The following GRXCR1 variants were observed in gnomAD, a reference collection of about 807,000 sequenced individuals.
GRXCR1 encodes glutaredoxin domain-containing cysteine-rich protein 1.
Under a neutral mutation model 27.3 loss-of-function variants are expected in GRXCR1, and 27 were observed. The observed-to-expected ratio is 0.99, with a 90% confidence interval of 0.73 to 1.37. The LOEUF is 1.37. Among genes scored for constraint, GRXCR1 ranks in the 40% most tolerant of loss-of-function variants. GRXCR1 has a pLI of 0.00. For synonymous variants in GRXCR1, 122 were observed against 131.1 expected, an observed-to-expected ratio of 0.93 and a Z score of 0.47; for missense variants, 379 against 354.4, an observed-to-expected ratio of 1.07 and a Z score of -0.56.
At chr4:43,018,936 C>G (rs78112647) in intron 2 of GRXCR1, among the ~76,000 whole-genome samples, 3,905 of 152,224 alleles carry the variant, frequency 0.026, 170 homozygotes, top group African/African-American at 0.09. Context: ...CCTCAGAGAG[C>G]AATATATATT....
intron 2 of GRXCR1, among the ~76,000 whole-genome samples, chr4:42,996,311 G>A (rs996830615): frequency 2.0e-5 from 3 of 152,036 alleles, no homozygotes; most frequent in African/African-American, 2.4e-5. Flanking sequence ...GGCTAATACC[G>A]TCTGATTAAA....
At chr4:42,917,350 T>C (rs1281075875) in intron 1 of GRXCR1, among the ~76,000 whole-genome samples, 1 of 152,170 alleles carries the variant, frequency 6.6e-6, no homozygotes, top group East Asian at 1.9e-4. Flanking sequence ...TGGCTTTCAT[T>C]AATTTCACAC....
At chr4:42,923,523 T>C (rs1747071250) in intron 1 of GRXCR1, among the ~76,000 whole-genome samples, 2 of 152,130 alleles carry the variant, frequency 1.3e-5, no homozygotes, top group South Asian at 4.1e-4. Flanking sequence ...CTTTGCTTTT[T>C]GTGTACAGAA....
intron 1 of GRXCR1, among the ~76,000 whole-genome samples, chr4:42,953,927 C>A (rs1239544118): frequency 6.6e-6 from 1 of 151,928 alleles, no homozygotes; most frequent in Non-Finnish European, 1.5e-5. Context: ...GCACTAGTGT[C>A]TATATTTAAA....
At chr4:43,000,260 A>G (rs1712307870) in intron 2 of GRXCR1, among the ~76,000 whole-genome samples, 1 of 152,038 alleles carries the variant, frequency 6.6e-6, no homozygotes, top group South Asian at 2.1e-4. Context: ...CAGGTGGATC[A>G]TGAGGTCAGG....
intron 3 of GRXCR1, among the ~76,000 whole-genome samples, chr4:43,021,379 T>C (rs1713086777): frequency 6.6e-6 from 1 of 152,148 alleles, no homozygotes; most frequent in African/African-American, 2.4e-5. Context: ...TATAACCCTC[T>C]TTTTAGGGGC....
At chr4:42,959,996 T>G (rs1371294625) in intron 1 of GRXCR1, among the ~76,000 whole-genome samples, 4 of 151,976 alleles carry the variant, frequency 2.6e-5, no homozygotes, top group Non-Finnish European at 5.9e-5. Flanking sequence ...GATATCCATG[T>G]GATCTCATAC....
Position 42,992,282 on chromosome 4 carries a change from A to G in GRXCR1, c.628-28072A>G, listed in dbSNP as rs548545288. ...CAAATGTTTTTCTTCAGAAAGCTGGATAACTTAGTATGGTTGACAATTCGT... is the reference window on the plus strand; with the variant it reads ...CAAATGTTTTTCTTCAGAAAGCTGGGTAACTTAGTATGGTTGACAATTCGT... On this transcript the variant is annotated intron_variant, in intron 2 of 3. Transcript: ENST00000399770. 6.8e-4 allele frequency among the ~76,000 whole-genome samples: 104 copies of G among 152,274 alleles called. 1 individual carries two copies. The highest frequency in any genetic ancestry group is 2.3e-3 in the African/African-American group (97 of 41,576).
At chr4:42,967,420 TTATC>T (rs1748272948) in intron 2 of GRXCR1, among the ~76,000 whole-genome samples, 2 of 152,214 alleles carry the variant, frequency 1.3e-5, no homozygotes, top group South Asian at 4.1e-4. Context: ...TATTGGCCAT[TTATC>T]TATTCTTTTA....
rs1748164305 is a variant in GRXCR1 at position 42,963,106 on chromosome 4, T to C, written c.599T>C (p.Val200Ala). 4 of 1,612,792 alleles carry C rather than the reference T, an allele frequency of 2.5e-6. No homozygotes were observed. Among genetic ancestry groups the C allele is most frequent in the Non-Finnish European group, 1.7e-6 (2 of 1,179,044 alleles). ...RRVSEAPSLP[V>A]VFIDGHYLGG... is the part of the protein sequence containing the mutation. ...GTTTCTGAAGCTCCTTCCCTCCCTG[T>C]TGTGTTCATTGATGGCCATTACCTT... The change falls in exon 2 of 4, where the codon GTT (valine) becomes GCT (alanine). Residue 200 changes from valine (V) to alanine (A), a missense_variant. Physicochemically the swap from Val to Ala is moderately conservative, Grantham distance 64 (BLOSUM62 0). Transcript: ENST00000399770.
intron 3 of GRXCR1, among the ~76,000 whole-genome samples, chr4:43,026,855 C>T (rs1405454239): frequency 6.6e-6 from 1 of 152,166 alleles, no homozygotes; most frequent in Non-Finnish European, 1.5e-5. Flanking sequence ...TAAGCCATCC[C>T]TTTCCTCTCT....
chr4:42,997,945 CT>C (rs1712226207), intron 2 of GRXCR1, among the ~76,000 whole-genome samples: 1 of 152,200 alleles, frequency 6.6e-6, no homozygotes. Flanking sequence ...GTTTTCTCAT[CT>C]GTTGGCCTCA....
chr4:42,990,501 C>T (rs1711938388), intron 2 of GRXCR1, among the ~76,000 whole-genome samples: 2 of 151,852 alleles, frequency 1.3e-5, no homozygotes, highest in Non-Finnish European at 2.9e-5. Context: ...CAAAACTAGG[C>T]ATGAATTTAT....
At chr4:42,950,481 T>C (rs1409301780) in intron 1 of GRXCR1, among the ~76,000 whole-genome samples, 1 of 152,154 alleles carries the variant, frequency 6.6e-6, no homozygotes, top group Non-Finnish European at 1.5e-5. Context: ...AAATGTAAAA[T>C]GCCAATACAT....
chr4:42,920,688 T>C (rs1314101599), intron 1 of GRXCR1, among the ~76,000 whole-genome samples: 4 of 152,136 alleles, frequency 2.6e-5, no homozygotes, highest in African/African-American at 9.7e-5. Context: ...CCTCACTTCC[T>C]TCCTTCCATT....
At chr4:43,020,505 C>T (rs1713060480) in intron 3 of GRXCR1, 86 bp downstream of exon 3, 5 of 853,172 alleles carry the variant, frequency 5.9e-6, no homozygotes, top group Admixed American at 1.9e-5. Flanking sequence ...ATTGAATTCT[C>T]TCTCCCCATG....
At chr4:43,004,722 C>A (rs1283978851) in intron 2 of GRXCR1, among the ~76,000 whole-genome samples, 1 of 152,170 alleles carries the variant, frequency 6.6e-6, no homozygotes, top group Non-Finnish European at 1.5e-5. Flanking sequence ...TGGCCAAAGT[C>A]TCCCATTTGG....
chr4:42,917,171 A>G (rs1027434656), intron 1 of GRXCR1, among the ~76,000 whole-genome samples: 14 of 152,158 alleles, frequency 9.2e-5, no homozygotes, highest in African/African-American at 3.4e-4. Flanking sequence ...GTATCTATCT[A>G]TCTATTTCTC....
At chr4:42,981,021 A>G (rs1465130488) in intron 2 of GRXCR1, among the ~76,000 whole-genome samples, 1 of 151,630 alleles carries the variant, frequency 6.6e-6, no homozygotes, top group African/African-American at 2.4e-5. Context: ...ATCAATTTAC[A>G]TTAAAGATAA....
Sources: gnomAD v4.1 joint callset for allele counts (sites outside exome capture counted in the v4.1 genomes callset) on GRCh38, gnomAD v4.1.1 for gene constraint, MANE v1.5 for transcripts, NCBI Gene and HGNC (gene_info 2026-07-23, HGNC 2026-07-21) for gene names.